Variants in CAB39L observed in about 807,000 individuals in gnomAD.
CAB39L encodes calcium-binding protein 39-like.
A neutral mutation model predicts 39.1 loss-of-function variants in CAB39L; 23 were observed. The observed-to-expected ratio is 0.59, with a 90% CI of 0.42 to 0.83. CAB39L has a LOEUF of 0.83. CAB39L is among the 40% of genes least tolerant of loss of function. The probability of loss-of-function intolerance (pLI) is 0.00; values close to 1 mark genes in which losing one functional copy is unlikely to be tolerated. For synonymous variants in CAB39L, 126 were observed against 137.2 expected (o/e 0.92, Z 0.57); for missense variants, 366 against 391.9 (o/e 0.93, Z 0.56).
chr13:49,317,789 T>C (rs1398098665), intron 10 of CAB39L, among the ~76,000 whole-genome samples: 3 of 152,170 alleles, frequency 2.0e-5, no homozygotes, highest in African/African-American at 4.8e-5. Flanking sequence ...TTGAAAACTT[T>C]TGTATATCAA....
chr13:49,424,429 C>T (rs78769098), intron 3 of CAB39L, among the ~76,000 whole-genome samples: 4,216 of 152,216 alleles, frequency 0.028, 180 homozygotes, highest in African/African-American at 0.096. Context: ...AAACAAGGAA[C>T]GTCTGAAAAA....
At chr13:49,441,221 G>GTGTGTATATATATATATA (rs1024957572) in intron 1 of CAB39L, among the ~76,000 whole-genome samples, 1 of 121,442 alleles carries the variant, frequency 8.2e-6, no homozygotes, top group African/African-American at 3.7e-5. Flanking sequence ...ATGATTTAGT[G>GTGTGTATATATATATATA]TATATATATA....
chr13:49,387,022 T>C (rs1451605562), intron 3 of CAB39L, among the ~76,000 whole-genome samples: 2 of 152,212 alleles, frequency 1.3e-5, no homozygotes, highest in African/African-American at 4.8e-5. Context: ...TCAAACCTTC[T>C]ACACAAACAC....
intron 8 of CAB39L, among the ~76,000 whole-genome samples, chr13:49,339,963 T>C (rs1954958732): frequency 6.6e-6 from 1 of 152,222 alleles, no homozygotes; most frequent in African/African-American, 2.4e-5. Context: ...CTGAGTAATT[T>C]TGAGTCCTTC....
At chr13:49,425,180 A>G (rs116460807) in intron 3 of CAB39L, among the ~76,000 whole-genome samples, 1,619 of 146,010 alleles carry the variant, frequency 0.011, 71 homozygotes, top group African/African-American at 0.041. Flanking sequence ...AACCTAAGAA[A>G]AGTCAAAAAA....
intron 3 of CAB39L, among the ~76,000 whole-genome samples, chr13:49,430,489 C>A (rs368717050): frequency 6.6e-6 from 1 of 152,100 alleles, no homozygotes; most frequent in African/African-American, 2.4e-5. Context: ...CAGCCACTGG[C>A]GTATAGGGCA....
At position 49,345,735 on chromosome 13, in the gene CAB39L, T is replaced by C. The variant is rs114649332; in HGVS notation, c.565-1497A>G. Among the ~76,000 whole-genome samples the C allele has an allele frequency of 4.6e-3, 700 of 152,172 alleles. 7 individuals carry two copies. Among genetic ancestry groups the C allele is most frequent in the African/African-American group, 0.016 (654 of 41,508 alleles). ...ACCAGGGCAGAGGGAGCCCCCTCTA[T>C]GGGCTGCAGCAGACACTGTGGATTG... On this transcript the variant is annotated intron_variant, in intron 7 of 10. Transcript: ENST00000409308.
intron 3 of CAB39L, chr13:49,413,695 G>A (rs1051883927): frequency 6.6e-6 from 1 of 152,126 alleles, no homozygotes; most frequent in Admixed American, 6.6e-5. Context: ...GGCCCAACAC[G>A]TTTTGGTCCC....
intron 7 of CAB39L, among the ~76,000 whole-genome samples, chr13:49,348,645 C>G (rs1288701616): frequency 1.3e-5 from 2 of 152,172 alleles, no homozygotes; most frequent in Non-Finnish European, 2.9e-5. Flanking sequence ...TTAAGCCTGC[C>G]CTGGAATCCA....
chr13:49,358,832 C>T (rs1396543057), intron 6 of CAB39L, among the ~76,000 whole-genome samples: 1 of 151,784 alleles, frequency 6.6e-6, no homozygotes, highest in Admixed American at 6.6e-5. Context: ...TGTACTCCAG[C>T]CTGGACAATA....
intron 3 of CAB39L, among the ~76,000 whole-genome samples, chr13:49,383,968 G>A: frequency 6.6e-6 from 1 of 152,256 alleles, no homozygotes; most frequent in Non-Finnish European, 1.5e-5. Context: ...TCAGGTTGTT[G>A]GCTGCTGAAG....
intron 4 of CAB39L, among the ~76,000 whole-genome samples, chr13:49,381,903 A>G (rs931236721): frequency 1.3e-5 from 2 of 152,238 alleles, no homozygotes; most frequent in Non-Finnish European, 2.9e-5. Context: ...AGGCACATGC[A>G]TATCTTCGTA....
intron 4 of CAB39L, 128 bp downstream of exon 4, chr13:49,382,672 A>G: frequency 1.6e-6 from 1 of 629,242 alleles, no homozygotes; most frequent in Non-Finnish European, 2.8e-6. Flanking sequence ...AATCAACTTA[A>G]ATCTATTTAT....
intron 10 of CAB39L, among the ~76,000 whole-genome samples, chr13:49,320,356 T>C (rs924132119): frequency 4.6e-5 from 7 of 152,224 alleles, no homozygotes; most frequent in Non-Finnish European, 1.0e-4. Flanking sequence ...CCTTATTGCC[T>C]GTATCCCTCA....
intron 3 of CAB39L, among the ~76,000 whole-genome samples, chr13:49,415,103 G>A (rs141253554): frequency 6.6e-6 from 1 of 152,058 alleles, no homozygotes; most frequent in African/African-American, 2.4e-5. Flanking sequence ...ACGCTGAGGT[G>A]GGAGAATCAC....
chr13:49,423,555 C>A (rs1341131839), intron 3 of CAB39L, among the ~76,000 whole-genome samples: 6 of 149,094 alleles, frequency 4.0e-5, no homozygotes, highest in African/African-American at 1.5e-4. Flanking sequence ...CCCATCCCTA[C>A]AAAAAATAAA....
chr13:49,333,635 G>C (rs184694404), intron 9 of CAB39L, among the ~76,000 whole-genome samples: 5 of 141,926 alleles, frequency 3.5e-5, no homozygotes, highest in African/African-American at 1.1e-4. Context: ...GCAGTGGCGC[G>C]ATCTCGGCTC....
chr13:49,369,512 T>C (rs1287220070), intron 5 of CAB39L, among the ~76,000 whole-genome samples: 1 of 151,796 alleles, frequency 6.6e-6, no homozygotes, highest in Non-Finnish European at 1.5e-5. Flanking sequence ...ATGGTGAAAA[T>C]ATAAGGACTG....
At chr13:49,399,092 T>C (rs1399986104) in intron 3 of CAB39L, among the ~76,000 whole-genome samples, 1 of 152,114 alleles carries the variant, frequency 6.6e-6, no homozygotes, top group Non-Finnish European at 1.5e-5. Flanking sequence ...TAAGCCTCTT[T>C]CCTTTATTGG....
Sources: allele counts gnomAD v4.1 joint callset (sites outside exome capture counted in the v4.1 genomes callset), GRCh38; gene constraint gnomAD v4.1.1; transcripts MANE v1.5; gene names NCBI Gene and HGNC (gene_info 2026-07-23, HGNC 2026-07-21).